The following PLCB1 variants were observed in gnomAD, a reference collection of about 807,000 sequenced individuals.
PLCB1 encodes 1-phosphatidylinositol 4,5-bisphosphate phosphodiesterase beta-1.
A neutral mutation model predicts 161.8 loss-of-function variants in PLCB1; 46 were observed. The ratio of observed to expected loss-of-function variants is 0.28; its 90% confidence interval spans 0.22 to 0.36. The LOEUF (loss-of-function observed/expected upper bound fraction) is 0.36, where lower values mean the gene tolerates loss of function less well. Ranked by LOEUF, PLCB1 falls within the 10% of genes least tolerant of loss-of-function variation. The probability of loss-of-function intolerance (pLI) is 1.00; values close to 1 mark genes in which losing one functional copy is unlikely to be tolerated. For missense variants in PLCB1, 1,016 were observed against 1,472.5 expected, an observed-to-expected ratio of 0.69 and a Z score of 5.07; for synonymous variants, 517 against 503.7, an observed-to-expected ratio of 1.03 and a Z score of -0.35.
chr20:8,474,507 T>C (rs1452320381), intron 3 of PLCB1, among the ~76,000 whole-genome samples: 2 of 151,936 alleles, frequency 1.3e-5, no homozygotes, highest in African/African-American at 4.8e-5. Flanking sequence ...TGAGCAAACA[T>C]GAATGAGGGG....
Position 8,472,066 on chromosome 20 carries a change from G to A in PLCB1, c.246+100616G>A, listed in dbSNP as rs541451547. 5.9e-5 allele frequency among the ~76,000 whole-genome samples: 9 copies of A among 152,112 alleles called. No individual in the cohort carries two copies. The East Asian group carries it at 1.7e-3, about 29-fold the overall frequency. ...AAAATTTTTAAACTATTCCATATTC[G>A]TAATAAGTGAAAAAATAATTATTTT... On this transcript the variant is annotated intron_variant, in intron 3 of 31. Transcript: ENST00000338037.
At chr20:8,313,608 A>G (rs1234658478) in intron 2 of PLCB1, among the ~76,000 whole-genome samples, 1 of 152,200 alleles carries the variant, frequency 6.6e-6, no homozygotes, top group East Asian at 1.9e-4. Flanking sequence ...TACCTTATAC[A>G]AGAATATACA....
At chr20:8,637,778 A>G (rs1442008076) in intron 4 of PLCB1, among the ~76,000 whole-genome samples, 1 of 152,228 alleles carries the variant, frequency 6.6e-6, no homozygotes, top group Non-Finnish European at 1.5e-5. Flanking sequence ...TATAGTTGCA[A>G]TTTCATACTC....
chr20:8,410,544 C>G (rs143106934), intron 3 of PLCB1, among the ~76,000 whole-genome samples: 28 of 151,950 alleles, frequency 1.8e-4, no homozygotes, highest in Non-Finnish European at 3.8e-4. Flanking sequence ...ATTTGATGTG[C>G]GTATTATGCC....
intron 2 of PLCB1, among the ~76,000 whole-genome samples, chr20:8,333,929 G>T (rs1008635549): frequency 6.6e-6 from 1 of 152,342 alleles, no homozygotes; most frequent in Non-Finnish European, 1.5e-5. Context: ...TTAGCTTTGG[G>T]CCTGGCGCGG....
chr20:8,179,317 G>A (rs1464129394), intron 2 of PLCB1, among the ~76,000 whole-genome samples: 4 of 152,056 alleles, frequency 2.6e-5, no homozygotes, highest in African/African-American at 9.7e-5. Flanking sequence ...TTTGAGCAGT[G>A]TTTTGTAATT....
Position 8,698,018 on chromosome 20 carries a change from G to A in PLCB1, c.1167+235G>A, listed in dbSNP as rs531176378. ...CTGTCTCGTGAAAGGAAATATCAAG[G>A]TATTTGTCTTGTCCTCTTTAGCACT... is the stretch of plus-strand genomic sequence containing the variant. On this transcript the variant is annotated intron_variant, in intron 11 of 31. Coordinates refer to ENST00000338037, the MANE Select transcript of PLCB1 (RefSeq NM_015192.4). 1.1e-3 allele frequency among the ~76,000 whole-genome samples: 164 copies of A among 152,264 alleles called. 1 individual carries two copies. The highest frequency in any genetic ancestry group is 7.5e-3 in the South Asian group (36 of 4,826).
At chr20:8,696,026 C>A (rs1990576423) in intron 10 of PLCB1, among the ~76,000 whole-genome samples, 2 of 152,096 alleles carry the variant, frequency 1.3e-5, no homozygotes, top group African/African-American at 4.8e-5. Context: ...TAAAGTTTAT[C>A]TTTTTCTTCC....
intron 3 of PLCB1, among the ~76,000 whole-genome samples, chr20:8,592,956 A>G (rs1987197134): frequency 6.6e-6 from 1 of 152,086 alleles, no homozygotes; most frequent in South Asian, 2.1e-4. Flanking sequence ...CCCAGGCTGC[A>G]CCCAGTCCAG....
intron 3 of PLCB1, among the ~76,000 whole-genome samples, chr20:8,507,272 A>G (rs1983676619): frequency 6.6e-6 from 1 of 152,202 alleles, no homozygotes; most frequent in Admixed American, 6.5e-5. Context: ...GCAAAGGCAG[A>G]AGAAAATCAG....
chr20:8,688,217 T>C (rs1051303964), intron 10 of PLCB1, among the ~76,000 whole-genome samples: 1 of 152,236 alleles, frequency 6.6e-6, no homozygotes, highest in Admixed American at 6.5e-5. Context: ...TTTGAGTTCA[T>C]TGTAGATTCT....
intron 31 of PLCB1, among the ~76,000 whole-genome samples, chr20:8,869,413 G>A (rs1296431859): frequency 6.6e-6 from 1 of 152,102 alleles, no homozygotes; most frequent in Non-Finnish European, 1.5e-5. Context: ...AAAAGTTCAG[G>A]GCCAGGAACT....
At chr20:8,422,883 T>C (rs1308099263) in intron 3 of PLCB1, among the ~76,000 whole-genome samples, 1 of 152,188 alleles carries the variant, frequency 6.6e-6, no homozygotes, top group Admixed American at 6.5e-5. Context: ...CACATGTGAT[T>C]TGACCTTTCT....
intron 24 of PLCB1, among the ~76,000 whole-genome samples, chr20:8,759,987 A>G (rs966001256): frequency 6.5e-5 from 9 of 137,784 alleles, no homozygotes; most frequent in Non-Finnish European, 9.2e-5. Context: ...TCCACTGCAA[A>G]CTCCACCTCC....
chr20:8,154,743 A>T (rs1333421454), intron 2 of PLCB1, among the ~76,000 whole-genome samples: 1 of 152,000 alleles, frequency 6.6e-6, no homozygotes, highest in Non-Finnish European at 1.5e-5. Context: ...CCTTACATGG[A>T]TTGCCTATTT....
At chr20:8,487,649 G>C (rs942662536) in intron 3 of PLCB1, among the ~76,000 whole-genome samples, 1 of 152,098 alleles carries the variant, frequency 6.6e-6, no homozygotes, top group Non-Finnish European at 1.5e-5. Flanking sequence ...GAGAGGGTGG[G>C]GATATGTGAA....
At chr20:8,734,575 T>C (rs1276540186) in intron 19 of PLCB1, among the ~76,000 whole-genome samples, 2 of 152,004 alleles carry the variant, frequency 1.3e-5, no homozygotes, top group African/African-American at 4.8e-5. Flanking sequence ...CATAGATATA[T>C]ACACATACAT....
chr20:8,498,612 T>C (rs1983277592), intron 3 of PLCB1, among the ~76,000 whole-genome samples: 1 of 152,152 alleles, frequency 6.6e-6, no homozygotes, highest in African/African-American at 2.4e-5. Flanking sequence ...TAGTTGGTGA[T>C]GCATTACCAG....
chr20:8,665,150 C>G (rs1378318265), intron 9 of PLCB1, among the ~76,000 whole-genome samples: 3 of 152,162 alleles, frequency 2.0e-5, no homozygotes, highest in African/African-American at 7.2e-5. Flanking sequence ...GTAGATCACA[C>G]TAAAACTAGT....
Sources: allele counts gnomAD v4.1 joint callset (sites outside exome capture counted in the v4.1 genomes callset), GRCh38; gene constraint gnomAD v4.1.1; transcripts MANE v1.5; gene names NCBI Gene and HGNC (gene_info 2026-07-23, HGNC 2026-07-21).